SPOCK3: variants seen among roughly 807,000 people sequenced by gnomAD.
The protein encoded by SPOCK3 is testican-3.
A neutral mutation model predicts 56.6 loss-of-function variants in SPOCK3; 30 were observed. That is an observed-to-expected ratio of 0.53 (90% CI 0.40 to 0.72). SPOCK3 has a LOEUF of 0.72. Ranked by LOEUF, SPOCK3 falls within the 30% of genes least tolerant of loss-of-function variation. SPOCK3 has a pLI of 0.00. For synonymous variants in SPOCK3, 196 were observed against 183.3 expected (o/e 1.07, Z -0.56); for missense variants, 527 against 530.0 (o/e 0.99, Z 0.06).
At chr4:166,956,915 C>A (rs903923971) in intron 4 of SPOCK3, among the ~76,000 whole-genome samples, 7 of 152,114 alleles carry the variant, frequency 4.6e-5, no homozygotes, top group African/African-American at 1.7e-4. Context: ...ACACAGTGAG[C>A]AGCATCCCAA....
In SPOCK3 at chr4:167,062,925, A is replaced by T. The variant is rs572127095; in HGVS notation, c.190-388T>A. ...ATTACCTAAAGCTAATAAGCTATAAAGTATCTTACCAGTTTCCAATTATAC... is the reference window on the plus strand; with the variant it reads ...ATTACCTAAAGCTAATAAGCTATAATGTATCTTACCAGTTTCCAATTATAC... On this transcript the variant is annotated intron_variant, in intron 2 of 10. Transcript: ENST00000357545. 8.6e-5 allele frequency among the ~76,000 whole-genome samples: 13 copies of T among 152,006 alleles called. No homozygotes were observed. The South Asian group carries it at 2.7e-3, about 31-fold the overall frequency.
intron 2 of SPOCK3, among the ~76,000 whole-genome samples, chr4:167,232,548 T>C (rs1377240170): frequency 1.3e-5 from 2 of 152,198 alleles, no homozygotes; most frequent in Non-Finnish European, 2.9e-5. Flanking sequence ...TTTTTGATTT[T>C]GCCAAATGAG....
chr4:166,965,488 A>G (rs1744626169), intron 4 of SPOCK3, among the ~76,000 whole-genome samples: 1 of 148,762 alleles, frequency 6.7e-6, no homozygotes, highest in African/African-American at 2.5e-5. Flanking sequence ...TTCTTTTGGC[A>G]CTTTAAATGT....
At chr4:167,128,434 A>G (rs1762460019) in intron 2 of SPOCK3, among the ~76,000 whole-genome samples, 1 of 152,142 alleles carries the variant, frequency 6.6e-6, no homozygotes, top group Non-Finnish European at 1.5e-5. Context: ...TACTTTGTGC[A>G]AAAAAAGTAG....
chr4:167,205,464 AGAATTTATTTT>A (rs1734129583), intron 2 of SPOCK3, among the ~76,000 whole-genome samples: 1 of 52,072 alleles, frequency 1.9e-5, no homozygotes, highest in African/African-American at 8.0e-5. Flanking sequence ...ATAAATATAT[AGAATTTATTTT>A]ATATATAATA....
At chr4:166,898,920 G>A (rs1735701186) in intron 5 of SPOCK3, among the ~76,000 whole-genome samples, 1 of 152,106 alleles carries the variant, frequency 6.6e-6, no homozygotes, top group African/African-American at 2.4e-5. Context: ...GGTGGACTGA[G>A]TACAGAAGAC....
intron 5 of SPOCK3, among the ~76,000 whole-genome samples, chr4:166,894,941 G>A (rs1735209897): frequency 6.6e-6 from 1 of 152,064 alleles, no homozygotes; most frequent in South Asian, 2.1e-4. Context: ...ATCAGAAAAT[G>A]CCAAAAAGAA....
At position 166,869,697 on chromosome 4, in the gene SPOCK3, C is replaced by T. The variant is rs1327909733; in HGVS notation, c.589+19433G>A. On this transcript the variant is annotated intron_variant, in intron 6 of 10. Transcript: ENST00000357545. Reference sequence around the variant, plus strand: ...ACATGTAAGGAGCTTCAAAGTCATTCCCATACTTATACTAAGAAAACCTGA... The same window carrying T: ...ACATGTAAGGAGCTTCAAAGTCATTTCCATACTTATACTAAGAAAACCTGA... 2.0e-5 allele frequency among the ~76,000 whole-genome samples: 3 copies of T among 151,352 alleles called. No individual in the cohort carries two copies. The East Asian group carries it at 5.9e-4, about 30-fold the overall frequency.
At chr4:167,182,553 T>C (rs1731575156) in intron 2 of SPOCK3, among the ~76,000 whole-genome samples, 1 of 152,048 alleles carries the variant, frequency 6.6e-6, no homozygotes, top group South Asian at 2.1e-4. Context: ...GTTCTTTTTT[T>C]TTTTCAAGAC....
intron 6 of SPOCK3, among the ~76,000 whole-genome samples, chr4:166,847,676 TATATAA>T (rs58196206): frequency 0.13 from 17,241 of 128,702 alleles, 1,895 homozygotes; most frequent in East Asian, 0.51. Flanking sequence ...TATATATATA[TATATAA>T]GAATCATGTT....
intron 3 of SPOCK3, among the ~76,000 whole-genome samples, chr4:167,029,461 T>C (rs908036992): frequency 1.3e-5 from 2 of 152,090 alleles, no homozygotes; most frequent in East Asian, 3.9e-4. Context: ...TCAGATGTTT[T>C]TTAGAAGGGG....
chr4:167,216,160 C>CT (rs2111065195), intron 2 of SPOCK3, among the ~76,000 whole-genome samples: 1 of 152,034 alleles, frequency 6.6e-6, no homozygotes, highest in African/African-American at 2.4e-5. Flanking sequence ...CTCCAGTAGA[C>CT]TTAGGAATCA....
At chr4:167,114,380 G>C (rs1369618706) in intron 2 of SPOCK3, among the ~76,000 whole-genome samples, 1 of 152,118 alleles carries the variant, frequency 6.6e-6, no homozygotes, top group Admixed American at 6.6e-5. Flanking sequence ...AAGAGACAGA[G>C]AACCCGAACA....
At chr4:167,011,139 C>A in intron 3 of SPOCK3, 8 of 322,888 alleles carry the variant, frequency 2.5e-5, no homozygotes, top group Middle Eastern at 4.1e-4. Flanking sequence ...TTATAAAAAC[C>A]TCTTAAGGGT....
intron 3 of SPOCK3, among the ~76,000 whole-genome samples, chr4:167,022,383 A>G (rs1000685143): frequency 3.3e-5 from 5 of 152,036 alleles, no homozygotes; most frequent in Non-Finnish European, 5.9e-5. Context: ...AGGCAGCCCA[A>G]TTTGCCCATT....
At chr4:166,927,059 T>C (rs1028682577) in intron 4 of SPOCK3, among the ~76,000 whole-genome samples, 1 of 152,224 alleles carries the variant, frequency 6.6e-6, no homozygotes, top group South Asian at 2.1e-4. Context: ...CTGCAAATTA[T>C]GACAGAAAAC....
chr4:166,783,515 T>A (rs1740407443), intron 7 of SPOCK3, among the ~76,000 whole-genome samples: 1 of 152,076 alleles, frequency 6.6e-6, no homozygotes, highest in African/African-American at 2.4e-5. Flanking sequence ...ACTTGCACAA[T>A]CAAAATACAA....
At chr4:166,921,411 C>G (rs931944561) in intron 4 of SPOCK3, among the ~76,000 whole-genome samples, 1 of 151,794 alleles carries the variant, frequency 6.6e-6, no homozygotes, top group African/African-American at 2.4e-5. Context: ...TTCTACCTCC[C>G]GGGTTCAAGC....
chr4:166,891,826 A>C (rs1170749343), intron 5 of SPOCK3, among the ~76,000 whole-genome samples: 13 of 152,010 alleles, frequency 8.6e-5, no homozygotes, highest in Admixed American at 8.5e-4. Flanking sequence ...GTTCAGGAGC[A>C]ACTGTGAGTG....
Sources: allele counts gnomAD v4.1 joint callset (sites outside exome capture counted in the v4.1 genomes callset), GRCh38; gene constraint gnomAD v4.1.1; transcripts MANE v1.5; gene names NCBI Gene and HGNC (gene_info 2026-07-23, HGNC 2026-07-21).